RNF130: variants seen among roughly 807,000 people sequenced by gnomAD.
RNF130 encodes the protein E3 ubiquitin-protein ligase RNF130.
Under a neutral mutation model 44.6 loss-of-function variants are expected in RNF130, and 21 were observed. The observed-to-expected ratio is 0.47, with a 90% CI of 0.33 to 0.68. The LOEUF is 0.68. Ranked by LOEUF, RNF130 falls within the 30% of genes least tolerant of loss-of-function variation. The pLI, the probability that RNF130 is intolerant of heterozygous loss-of-function variation, is 0.02. For synonymous variants in RNF130, 214 were observed against 210.4 expected (o/e 1.02, Z -0.15); for missense variants, 479 against 560.6 (o/e 0.85, Z 1.47).
intron 2 of RNF130, among the ~76,000 whole-genome samples, chr5:180,024,575 T>C (rs1763946649): frequency 6.6e-6 from 1 of 152,134 alleles, no homozygotes; most frequent in African/African-American, 2.4e-5. Flanking sequence ...CAAAAATTTA[T>C]ACCTGTCTTT....
chr5:179,980,363 G>T, intron 3 of RNF130, 163 bp from the exon 4 acceptor site: 1 of 604,246 alleles, frequency 1.7e-6, no homozygotes. Context: ...GCTGTATCAA[G>T]ATTCAGCATT....
intron 2 of RNF130, among the ~76,000 whole-genome samples, chr5:180,016,002 G>A (rs1473206550): frequency 3.3e-5 from 5 of 152,066 alleles, no homozygotes; most frequent in African/African-American, 4.8e-5. Context: ...AAATCCACAC[G>A]CCCTCAGGAG....
At chr5:179,944,083 T>C (rs1168045679) in intron 7 of RNF130, among the ~76,000 whole-genome samples, 1 of 151,794 alleles carries the variant, frequency 6.6e-6, no homozygotes, top group Non-Finnish European at 1.5e-5. Flanking sequence ...GCAATTCTCC[T>C]GCCTCAGCCT....
At chr5:180,039,224 A>C (rs1236507538) in intron 2 of RNF130, among the ~76,000 whole-genome samples, 3 of 151,962 alleles carry the variant, frequency 2.0e-5, no homozygotes, top group Admixed American at 2.0e-4. Flanking sequence ...ATTGGAAAAA[A>C]TACACCTTAC....
chr5:180,065,878 T>C (rs1198514261), intron 1 of RNF130, among the ~76,000 whole-genome samples: 1 of 152,184 alleles, frequency 6.6e-6, no homozygotes, highest in Admixed American at 6.5e-5. Flanking sequence ...TAAGCAGGTA[T>C]CTTATTCACA....
chr5:180,070,687 C>G (rs1765233285), intron 1 of RNF130, among the ~76,000 whole-genome samples: 1 of 152,210 alleles, frequency 6.6e-6, no homozygotes, highest in Non-Finnish European at 1.5e-5. Context: ...AGGTTTCTTT[C>G]AAACCATGAC....
chr5:180,037,516 A>G (rs925134931), intron 2 of RNF130, among the ~76,000 whole-genome samples: 6 of 152,204 alleles, frequency 3.9e-5, no homozygotes, highest in Admixed American at 3.3e-4. Context: ...GACTAAAACT[A>G]GGTTTCCCTT....
intron 2 of RNF130, among the ~76,000 whole-genome samples, chr5:180,029,182 T>C (rs929103204): frequency 2.6e-5 from 4 of 152,202 alleles, no homozygotes; most frequent in African/African-American, 7.2e-5. Flanking sequence ...TTTTCTTCTA[T>C]AACTAAAAAT....
chr5:180,067,018 G>A (rs1765124025), intron 1 of RNF130, among the ~76,000 whole-genome samples: 1 of 152,098 alleles, frequency 6.6e-6, no homozygotes, highest in African/African-American at 2.4e-5. Flanking sequence ...AACAGAGCAA[G>A]ACCCTGTCCT....
chr5:179,993,030 C>T (rs1182935298), intron 3 of RNF130, among the ~76,000 whole-genome samples: 2 of 152,190 alleles, frequency 1.3e-5, no homozygotes, highest in Non-Finnish European at 2.9e-5. Flanking sequence ...CAGCTTCATC[C>T]ATGTCCCTAA....
exon 8 of RNF130, chr5:179,917,425 C>G: frequency 6.6e-6 from 1 of 152,392 alleles, no homozygotes; most frequent in Admixed American, 6.5e-5. Flanking sequence ...ACAGTTCCCC[C>G]CTCAACAATG....
At chr5:179,950,158 G>T (rs947642946), downstream of RNF130, among the ~76,000 whole-genome samples, 9 of 152,028 alleles carry the variant, frequency 5.9e-5, no homozygotes, top group African/African-American at 2.2e-4. Context: ...CATCCTGGGT[G>T]ATGGAGTGAA....
chr5:180,010,240 A>G (rs1403371181), intron 3 of RNF130, among the ~76,000 whole-genome samples: 1 of 111,248 alleles, frequency 9.0e-6, no homozygotes, highest in Admixed American at 9.9e-5. Flanking sequence ...GTGAGACTAC[A>G]TCTCAAAAAA....
At chr5:179,974,193 T>C (rs1762657433) in intron 5 of RNF130, among the ~76,000 whole-genome samples, 1 of 152,244 alleles carries the variant, frequency 6.6e-6, no homozygotes, top group Admixed American at 6.5e-5. Context: ...TCTGTCTCTA[T>C]GGACCCTCGG....
At chr5:179,967,504 G>A (rs922947660) in intron 6 of RNF130, among the ~76,000 whole-genome samples, 1 of 152,170 alleles carries the variant, frequency 6.6e-6, no homozygotes, top group African/African-American at 2.4e-5. Flanking sequence ...CCAAGAATAG[G>A]TCAAAGTTGA....
intron 2 of RNF130, 73 bp downstream of exon 2, chr5:180,040,380 G>C: frequency 7.3e-7 from 1 of 1,368,560 alleles, no homozygotes. Flanking sequence ...CTTCAGCAGA[G>C]GCAGAATGCT....
chr5:179,943,994 C>T (rs1289741943), intron 7 of RNF130, among the ~76,000 whole-genome samples: 2 of 149,364 alleles, frequency 1.3e-5, no homozygotes, highest in Admixed American at 6.7e-5. Context: ...TTTTTTGAGA[C>T]GGAGTCTTGC....
At chr5:179,936,338 G>A (rs1166590700) in intron 7 of RNF130, among the ~76,000 whole-genome samples, 3 of 152,144 alleles carry the variant, frequency 2.0e-5, no homozygotes, top group African/African-American at 7.2e-5. Context: ...CTGAGCTCAA[G>A]TGATCCTCCT....
intron 3 of RNF130, 48 bp downstream of exon 3, chr5:180,013,013 G>A: frequency 1.3e-6 from 2 of 1,571,390 alleles, no homozygotes; most frequent in Non-Finnish European, 1.7e-6. Flanking sequence ...ACAGATGACT[G>A]TGAACTCTGG....
Sources: allele counts gnomAD v4.1 joint callset (sites outside exome capture counted in the v4.1 genomes callset), GRCh38; gene constraint gnomAD v4.1.1; transcripts MANE v1.5; gene names NCBI Gene and HGNC (gene_info 2026-07-23, HGNC 2026-07-21).